Variants in AHR observed in about 807,000 individuals in gnomAD.
The protein encoded by AHR is AH-receptor.
In AHR, 40 loss-of-function variants were observed where a neutral mutation model predicts 86.8. That is an observed-to-expected ratio of 0.46 (90% CI 0.36 to 0.60). AHR has a LOEUF of 0.60. Among genes scored for constraint, AHR ranks in the 20% least tolerant of loss-of-function variants. The probability of loss-of-function intolerance (pLI) is 0.00; values close to 1 mark genes in which losing one functional copy is unlikely to be tolerated. For synonymous variants in AHR, 398 were observed against 354.9 expected, an observed-to-expected ratio of 1.12 and a Z score of -1.37; for missense variants, 1,001 against 1,011.6, an observed-to-expected ratio of 0.99 and a Z score of 0.14.
At chr7:17,315,019 T>A (rs554662764) in intron 2 of AHR, among the ~76,000 whole-genome samples, 3 of 152,186 alleles carry the variant, frequency 2.0e-5, no homozygotes, top group Admixed American at 6.6e-5. Context: ...TCTTTTTTCC[T>A]AATTCACATT....
Position 17,299,310 on chromosome 7 carries a change from C to A in AHR, c.46C>A (p.Arg16=). 1 of 1,612,012 alleles carries A rather than the reference C, an allele frequency of 6.2e-7. No individual in the cohort carries two copies. Among genetic ancestry groups the A allele is most frequent in the South Asian group, 1.1e-5 (1 of 91,068 alleles). ...ANITYASRKR[R]KPVQKTVKPI... is the part of the protein sequence containing the mutation. ...CATCACCTACGCCAGTCGCAAGCGG[C>A]GGAAGCCGGTGCAGAAAACGTGAGT... Residue 16 remains arginine (R), a synonymous_variant, in exon 1 of 11, where the codon CGG becomes AGG. Transcript: ENST00000242057.
intron 2 of AHR, among the ~76,000 whole-genome samples, chr7:17,316,958 A>G (rs1422349306): frequency 6.6e-6 from 1 of 152,092 alleles, no homozygotes; most frequent in Non-Finnish European, 1.5e-5. Flanking sequence ...AGCATGTTTG[A>G]TAAAGATGCT....
intron 1 of AHR, among the ~76,000 whole-genome samples, chr7:17,300,944 A>G (rs769285504): frequency 2.6e-5 from 4 of 152,128 alleles, no homozygotes; most frequent in Non-Finnish European, 5.9e-5. Flanking sequence ...TTTGTAAACA[A>G]AAACAAATGC....
intron 9 of AHR, 94 bp from the exon 10 acceptor site, chr7:17,338,892 T>A (rs551083395): frequency 6.7e-5 from 79 of 1,175,292 alleles, no homozygotes; most frequent in Non-Finnish European, 3.5e-6. Flanking sequence ...TCAATTACAA[T>A]GTATTTTGCT....
intron 6 of AHR, among the ~76,000 whole-genome samples, chr7:17,331,362 A>G (rs1782286845): frequency 6.6e-6 from 1 of 151,962 alleles, no homozygotes; most frequent in Admixed American, 6.6e-5. Flanking sequence ...AAAATCTGCT[A>G]CCAAATAATT....
At chr7:17,299,923 AG>A (rs1245095997) in intron 1 of AHR, among the ~76,000 whole-genome samples, 1 of 152,230 alleles carries the variant, frequency 6.6e-6, no homozygotes, top group Non-Finnish European at 1.5e-5. Context: ...TAAAGTGGAT[AG>A]AAGTGGTAGC....
intron 1 of AHR, among the ~76,000 whole-genome samples, chr7:17,302,905 A>G (rs1781968734): frequency 6.6e-6 from 1 of 151,970 alleles, no homozygotes. Context: ...TCACAGAACA[A>G]TCAATTCGCC....
At position 17,299,095 on chromosome 7, in the gene AHR, C is replaced by A. The variant is rs1387615142; in HGVS notation, c.-170C>A. ...GCGGGCTGCGGAAGCCTGCGTGAGC[C>A]GAGGCGTTGAGGCGCGGCGCCCACG... On this transcript the variant is annotated 5_prime_UTR_variant, in exon 1 of 11. Transcript: ENST00000242057. 6.2e-6 allele frequency: 4 copies of A among 644,888 alleles called. No individual in the cohort carries two copies. Among genetic ancestry groups the A allele is most frequent in the African/African-American group, 1.9e-5 (1 of 51,290 alleles). The allele number at this position is 644,888 out of a possible 1,614,324, so 39.9% of individuals were successfully genotyped here.
chr7:17,312,832 T>C (rs771880469), intron 2 of AHR, among the ~76,000 whole-genome samples: 2 of 152,202 alleles, frequency 1.3e-5, no homozygotes, highest in Non-Finnish European at 2.9e-5. Flanking sequence ...CTTTTTAAAA[T>C]GCAAATTTGG....
At chr7:17,319,567 A>C (rs1782149105) in intron 2 of AHR, among the ~76,000 whole-genome samples, 1 of 152,144 alleles carries the variant, frequency 6.6e-6, no homozygotes, top group Admixed American at 6.6e-5. Context: ...AATACGTGGA[A>C]AGTGCTAGGT....
Position 17,316,798 on chromosome 7 carries a change from T to A in AHR, c.254-5703T>A, listed in dbSNP as rs1782119300. Reference sequence around the variant, plus strand: ...GTCTAATTTCTGTGTTATGGAGACATTTCATCTCTTTATCTCAGCATGGTA... The same window carrying A: ...GTCTAATTTCTGTGTTATGGAGACAATTCATCTCTTTATCTCAGCATGGTA... On this transcript the variant is annotated intron_variant, in intron 2 of 10. Coordinates refer to ENST00000242057, the MANE Select transcript of AHR (RefSeq NM_001621.5). Among the ~76,000 whole-genome samples the A allele has an allele frequency of 2.0e-5, 3 of 152,180 alleles. 1 individual carries two copies. The South Asian group carries it at 6.2e-4, about 31-fold the overall frequency.
chr7:17,318,395 AT>A (rs1782137519), intron 2 of AHR, among the ~76,000 whole-genome samples: 1 of 152,142 alleles, frequency 6.6e-6, no homozygotes, highest in Non-Finnish European at 1.5e-5. Context: ...CCATTTGATA[AT>A]GCTGTGATGT....
intron 6 of AHR, 50 bp downstream of exon 6, chr7:17,330,936 A>C: frequency 1.3e-6 from 2 of 1,569,576 alleles, no homozygotes; most frequent in Non-Finnish European, 1.7e-6. Flanking sequence ...TTACAATAAA[A>C]GCTTGAGGCA....
At chr7:17,303,651 C>T (rs1434534053) in intron 1 of AHR, among the ~76,000 whole-genome samples, 1 of 151,758 alleles carries the variant, frequency 6.6e-6, no homozygotes, top group Non-Finnish European at 1.5e-5. Flanking sequence ...AACTGTTTTT[C>T]TTTTGGGAGG....
intron 2 of AHR, among the ~76,000 whole-genome samples, chr7:17,316,550 A>G (rs988953726): frequency 6.6e-6 from 1 of 152,172 alleles, no homozygotes; most frequent in Non-Finnish European, 1.5e-5. Flanking sequence ...CCAGGATGTC[A>G]AGGCTGCATT....
chr7:17,343,483 G>C lies in AHR; in HGVS notation c.*419G>C, dbSNP rs1557737. 0.025 allele frequency: 4,040 copies of C among 164,834 alleles called. 191 individuals are homozygous for C. Among genetic ancestry groups the C allele is most frequent in the African/African-American group, 0.093 (3,875 of 41,638 alleles). The allele number at this position is 164,834 out of a possible 1,614,324, so 10.2% of individuals were successfully genotyped here. The stretch of plus-strand genomic sequence containing the variant: ...TATTAGTTCCCCAAATACAAAGTTA[G>C]AGAACTAAACTAGTTTTTCCTATCA... On this transcript the variant is annotated 3_prime_UTR_variant, in exon 11 of 11. Transcript: ENST00000242057.
intron 9 of AHR, among the ~76,000 whole-genome samples, chr7:17,337,906 A>C (rs553144719): frequency 5.3e-5 from 8 of 152,050 alleles, no homozygotes; most frequent in African/African-American, 1.9e-4. Flanking sequence ...AAATTTTATA[A>C]GTATATTAAA....
In AHR at chr7:17,345,333, T is replaced by G. The variant is rs1246046084; in HGVS notation, c.*2269T>G. ...TCTCCAAAAAAAAAAAAAATACAATTTTTATTTCTTTTACTTTTTTTAGTA... is the reference window on the plus strand; with the variant it reads ...TCTCCAAAAAAAAAAAAAATACAATGTTTATTTCTTTTACTTTTTTTAGTA... On this transcript the variant is annotated 3_prime_UTR_variant, in exon 11 of 11. Coordinates refer to ENST00000242057, the MANE Select transcript of AHR (RefSeq NM_001621.5). 2.0e-5 allele frequency: 3 copies of G among 152,520 alleles called. No homozygotes were observed. The highest frequency in any genetic ancestry group is 6.5e-5 in the Admixed American group (1 of 15,280). 9.4% of individuals were successfully genotyped at this position (152,520 alleles called of 1,614,324 possible).
At chr7:17,337,278 G>A (rs970557517) in intron 9 of AHR, among the ~76,000 whole-genome samples, 1 of 151,956 alleles carries the variant, frequency 6.6e-6, no homozygotes, top group East Asian at 1.9e-4. Context: ...GTCTATGTTG[G>A]TAAAATATCC....
Sources: gnomAD v4.1 joint callset for allele counts (sites outside exome capture counted in the v4.1 genomes callset) on GRCh38, gnomAD v4.1.1 for gene constraint, MANE v1.5 for transcripts, NCBI Gene and HGNC (gene_info 2026-07-23, HGNC 2026-07-21) for gene names.